MYO5A: variants seen among roughly 807,000 people sequenced by gnomAD.
MYO5A encodes myosin VA, also known as unconventional myosin-Va.
In MYO5A, 98 loss-of-function variants were observed where a neutral mutation model predicts 249.7. The ratio of observed to expected loss-of-function variants is 0.39; its 90% CI spans 0.33 to 0.46. The LOEUF (loss-of-function observed/expected upper bound fraction) is 0.46. Among genes scored for constraint, MYO5A ranks in the 20% least tolerant of loss-of-function variants. The pLI, the probability that MYO5A is intolerant of heterozygous loss-of-function variation, is 0.98. For missense variants in MYO5A, 1,696 were observed against 2,308.8 expected (o/e 0.73, Z 5.44); for synonymous variants, 778 against 810.6 (o/e 0.96, Z 0.68).
chr15:52,408,832 G>A (rs2043125108), intron 6 of MYO5A, among the ~76,000 whole-genome samples: 1 of 152,034 alleles, frequency 6.6e-6, no homozygotes, highest in Non-Finnish European at 1.5e-5. Flanking sequence ...TATTAATAAG[G>A]CCAAGGTCAG....
At chr15:52,451,224 G>A (rs1372874122) in intron 1 of MYO5A, among the ~76,000 whole-genome samples, 2 of 151,996 alleles carry the variant, frequency 1.3e-5, no homozygotes, top group East Asian at 3.9e-4. Flanking sequence ...GAAAAAAACT[G>A]ATACTCAGGA....
Position 52,315,537 on chromosome 15 carries a change from GCT to G in MYO5A, c.5410-1336_5410-1335del, listed in dbSNP as rs1210367482. Reference sequence around the variant, plus strand: ...TTACAGGCACCCGCCACAATGCCTGGCTAATTTTTGTATTTTTGTAGAGATGG... The same window carrying G: ...TTACAGGCACCCGCCACAATGCCTGGAATTTTTGTATTTTTGTAGAGATGG... On this transcript the variant is annotated intron_variant, in intron 40 of 41. Transcript: ENST00000399233. Among the ~76,000 whole-genome samples, 9 of 152,136 alleles carry G rather than the reference GCT, an allele frequency of 5.9e-5. No individual in the cohort carries two copies. The South Asian group carries it at 1.9e-3, about 32-fold the overall frequency.
At chr15:52,419,906 G>A (rs1425494407) in intron 4 of MYO5A, among the ~76,000 whole-genome samples, 5 of 152,142 alleles carry the variant, frequency 3.3e-5, no homozygotes, top group East Asian at 3.8e-4. Flanking sequence ...ATAATATTCA[G>A]TAAGTCCCAA....
At chr15:52,354,396 A>G (rs578050017) in intron 25 of MYO5A, among the ~76,000 whole-genome samples, 35 of 152,364 alleles carry the variant, frequency 2.3e-4, no homozygotes, top group African/African-American at 8.2e-4. Flanking sequence ...TTAATCCTAC[A>G]GAAATACTTA....
intron 6 of MYO5A, among the ~76,000 whole-genome samples, chr15:52,409,379 T>A (rs2043148934): frequency 6.6e-6 from 1 of 152,178 alleles, no homozygotes; most frequent in African/African-American, 2.4e-5. Context: ...GAAATAGCCA[T>A]CAGCATAGTA....
At chr15:52,358,342 A>ATGTAAT (rs2040350430) in intron 25 of MYO5A, among the ~76,000 whole-genome samples, 1 of 152,214 alleles carries the variant, frequency 6.6e-6, no homozygotes. Flanking sequence ...ACTGAGATCA[A>ATGTAAT]CAGGATGTAA....
In MYO5A at chr15:52,351,614, A is replaced by AAG. The variant is rs2039958556; in HGVS notation, c.3622-134_3622-133insCT. 3 of 818,140 alleles carry AAG rather than the reference A, an allele frequency of 3.7e-6. No individual in the cohort carries two copies. The East Asian group carries it at 7.6e-5, about 21-fold the overall frequency. The allele number at this position is 818,140 out of a possible 1,614,324, so 50.7% of individuals were successfully genotyped here. A position where few individuals can be genotyped will look rare whatever the true frequency, so the allele number is the denominator to read the frequency against. On this transcript the variant is annotated intron_variant, in intron 27 of 41. Coordinates refer to ENST00000399233, the MANE Select transcript of MYO5A (RefSeq NM_001382347.1). ...GAGTTACCCTAGTGAATGGCTTCCT[A>AAG]GGTTCTGCCAGGAGCCCTGCTTTGC...
intron 1 of MYO5A, among the ~76,000 whole-genome samples, chr15:52,490,779 T>TTC (rs2076919388): frequency 6.6e-6 from 1 of 152,056 alleles, no homozygotes; most frequent in South Asian, 2.1e-4. Flanking sequence ...AGTGCAGTGG[T>TTC]GTGATGATCA....
chr15:52,398,521 C>T (rs958175582), intron 9 of MYO5A, among the ~76,000 whole-genome samples: 11 of 152,126 alleles, frequency 7.2e-5, no homozygotes, highest in Non-Finnish European at 1.3e-4. Flanking sequence ...GCATTAGAAC[C>T]TGGGTCTCCT....
rs2037801717 is a variant in MYO5A, at chr15:52,312,303, TAATC to T, written c.*1389_*1392del. 6.6e-6 allele frequency: 1 copy of T among 152,230 alleles called. No homozygotes were observed. Among genetic ancestry groups the T allele is most frequent in the African/African-American group, 2.4e-5 (1 of 41,462 alleles). 9.4% of individuals were successfully genotyped at this position (152,230 alleles called of 1,614,324 possible). A position where few individuals can be genotyped will look rare whatever the true frequency, so the allele number is the denominator to read the frequency against. The stretch of plus-strand genomic sequence containing the variant: ...TATTTATTATATACCTTCTTTTGCA[TAATC>T]AAAGTTTCAAGACCTGAATCGTGAA... On this transcript the variant is annotated 3_prime_UTR_variant, in exon 42 of 42. Coordinates refer to ENST00000399233, the MANE Select transcript of MYO5A (RefSeq NM_001382347.1).
At chr15:52,420,335 G>C (rs887266298) in intron 4 of MYO5A, among the ~76,000 whole-genome samples, 2 of 151,058 alleles carry the variant, frequency 1.3e-5, no homozygotes, top group Admixed American at 1.3e-4. Context: ...TGACTAGGTC[G>C]TGAGGGCTCT....
At chr15:52,415,733 A>G (rs1459434615) in intron 5 of MYO5A, among the ~76,000 whole-genome samples, 1 of 152,254 alleles carries the variant, frequency 6.6e-6, no homozygotes, top group Non-Finnish European at 1.5e-5. Flanking sequence ...TTCATACTTG[A>G]GCATAACAAA....
intron 1 of MYO5A, among the ~76,000 whole-genome samples, chr15:52,479,795 C>A (rs1231442206): frequency 6.6e-6 from 1 of 152,218 alleles, no homozygotes; most frequent in African/African-American, 2.4e-5. Flanking sequence ...GGCATCTGAA[C>A]ATTTATCATT....
chr15:52,370,255 T>C lies in MYO5A; in HGVS notation c.2980A>G (p.Lys994Glu). 1 of 1,614,126 alleles carries C rather than the reference T, an allele frequency of 6.2e-7. No individual in the cohort carries two copies. The highest frequency in any genetic ancestry group is 8.5e-7 in the Non-Finnish European group (1 of 1,179,996). Reference protein sequence around the residue: ...RVLSLQEEIAKLRKDLEQTRS... With the variant: ...RVLSLQEEIAELRKDLEQTRS... Reference sequence around the variant, plus strand: ...GTTTGCTCCAGGTCTTTCCGGAGCTTGGCAATTTCTTCCTGCAGACTAAGG... The same window carrying C: ...GTTTGCTCCAGGTCTTTCCGGAGCTCGGCAATTTCTTCCTGCAGACTAAGG... The change falls in exon 22 of 42, where the codon AAG (lysine) becomes GAG (glutamate). Residue 994 changes from lysine to glutamate, a missense_variant. Coordinates refer to ENST00000399233, the MANE Select transcript of MYO5A (RefSeq NM_001382347.1).
intron 1 of MYO5A, among the ~76,000 whole-genome samples, chr15:52,507,291 T>G (rs538003302): frequency 6.6e-6 from 1 of 152,194 alleles, no homozygotes; most frequent in African/African-American, 2.4e-5. Flanking sequence ...TTAAAAGCCC[T>G]CGTTTAGAAT....
chr15:52,442,201 C>A (rs1168466322), intron 1 of MYO5A, among the ~76,000 whole-genome samples: 1 of 152,094 alleles, frequency 6.6e-6, no homozygotes, highest in African/African-American at 2.4e-5. Flanking sequence ...TCAGTCCCCA[C>A]CCAAACCCTA....
intron 1 of MYO5A, among the ~76,000 whole-genome samples, chr15:52,494,633 C>G (rs988917350): frequency 3.3e-5 from 5 of 152,138 alleles, no homozygotes; most frequent in South Asian, 4.1e-4. Flanking sequence ...GCTGGGACTT[C>G]AGGCACACAC....
At chr15:52,484,676 G>A (rs184683713) in intron 1 of MYO5A, among the ~76,000 whole-genome samples, 3 of 152,062 alleles carry the variant, frequency 2.0e-5, no homozygotes, top group African/African-American at 7.2e-5. Context: ...ACAGAGTCTC[G>A]CTCTGTCCCC....
At chr15:52,369,082 C>T (rs1050931021) in intron 22 of MYO5A, among the ~76,000 whole-genome samples, 1 of 152,178 alleles carries the variant, frequency 6.6e-6, no homozygotes, top group Non-Finnish European at 1.5e-5. Context: ...CACCTTTTGG[C>T]ACTGCTGTTT....
Sources: gnomAD v4.1 joint callset for allele counts (sites outside exome capture counted in the v4.1 genomes callset) on GRCh38, gnomAD v4.1.1 for gene constraint, MANE v1.5 for transcripts, NCBI Gene and HGNC (gene_info 2026-07-23, HGNC 2026-07-21) for gene names.